Variants in DPP10 observed in about 807,000 individuals in gnomAD.
DPP10 encodes inactive dipeptidyl peptidase 10.
In DPP10, 33 loss-of-function variants were observed where a neutral mutation model predicts 120.9. That is an observed-to-expected ratio of 0.27 (90% confidence interval 0.21 to 0.37). The LOEUF is 0.37. DPP10 is among the 10% of genes least tolerant of loss of function. DPP10 has a pLI of 1.00. For missense variants in DPP10, 816 were observed against 942.8 expected (o/e 0.87, Z 1.76); for synonymous variants, 337 against 326.1 (o/e 1.03, Z -0.36).
chr2:114,869,752 A>G (rs1216940711), intron 1 of DPP10, among the ~76,000 whole-genome samples: 1 of 152,202 alleles, frequency 6.6e-6, no homozygotes, highest in Non-Finnish European at 1.5e-5. Flanking sequence ...AAGGGGAAGA[A>G]CAGAGCAGGT....
intron 2 of DPP10, among the ~76,000 whole-genome samples, chr2:115,309,782 G>A (rs905045545): frequency 1.3e-5 from 2 of 152,036 alleles, no homozygotes; most frequent in African/African-American, 2.4e-5. Context: ...GATCGAAAGA[G>A]AGTGATCTAA....
Position 115,802,918 on chromosome 2 carries a change from G to C in DPP10, c.1700+11562G>C, listed in dbSNP as rs191233338. On this transcript the variant is annotated intron_variant, in intron 19 of 25. Transcript: ENST00000410059. ...AGAATGTATATTCTGTTGATTTGGG[G>C]TGGAGAGTTCTGTAGATGTCTATTA... is the stretch of plus-strand genomic sequence containing the variant. 8.6e-4 allele frequency among the ~76,000 whole-genome samples: 131 copies of C among 152,276 alleles called. No homozygotes were observed. The East Asian group carries it at 0.018, about 21-fold the overall frequency.
At chr2:115,231,880 A>T (rs1209855225) in intron 1 of DPP10, among the ~76,000 whole-genome samples, 1 of 152,212 alleles carries the variant, frequency 6.6e-6, no homozygotes, top group East Asian at 1.9e-4. Context: ...TATGAGAGTC[A>T]TCTGGAGAAT....
chr2:115,620,188 C>G (rs2084841407), intron 5 of DPP10, among the ~76,000 whole-genome samples: 1 of 152,180 alleles, frequency 6.6e-6, no homozygotes, highest in Non-Finnish European at 1.5e-5. Context: ...TCTAATCACT[C>G]ACTGTGTGCT....
chr2:115,667,877 T>G (rs1347915580), intron 5 of DPP10, among the ~76,000 whole-genome samples: 2 of 152,024 alleles, frequency 1.3e-5, no homozygotes, highest in Admixed American at 1.3e-4. Context: ...TCCCATCTAA[T>G]CATGCATATG....
chr2:115,219,857 A>T (rs558534466), intron 1 of DPP10, among the ~76,000 whole-genome samples: 2 of 152,284 alleles, frequency 1.3e-5, no homozygotes, highest in South Asian at 4.1e-4. Context: ...CTTTTATGTT[A>T]GCCTAGGGAA....
chr2:115,367,138 A>G (rs1215863463), intron 3 of DPP10, among the ~76,000 whole-genome samples: 5 of 152,088 alleles, frequency 3.3e-5, no homozygotes, highest in African/African-American at 1.2e-4. Context: ...CAGACCGCCC[A>G]TAATTATCTG....
intron 1 of DPP10, among the ~76,000 whole-genome samples, chr2:114,773,146 G>A (rs319856): frequency 0.54 from 82,667 of 151,996 alleles, 22,731 homozygotes; most frequent in South Asian, 0.6. Context: ...TTTCTTTTAT[G>A]TGACATTACT....
intron 1 of DPP10, among the ~76,000 whole-genome samples, chr2:114,497,406 TACAC>T (rs1205453099): frequency 0.012 from 1,455 of 117,736 alleles, 73 homozygotes; most frequent in African/African-American, 0.039. Flanking sequence ...CATATACATA[TACAC>T]ATACATATGC....
intron 3 of DPP10, among the ~76,000 whole-genome samples, chr2:115,370,065 A>T (rs2065310832): frequency 6.6e-6 from 1 of 152,154 alleles, no homozygotes; most frequent in African/African-American, 2.4e-5. Context: ...TTCAACCAGA[A>T]CAGTCTCACT....
chr2:115,753,190 A>G lies in DPP10; in HGVS notation c.967A>G (p.Met323Val), dbSNP rs200681435. The change falls in exon 11 of 26, where the codon ATG becomes GTG. Residue 323 changes from methionine (M) to valine (V), a missense_variant. By Grantham distance (21) the Met-to-Val change is conservative. Around this residue, in one of 3 missense-constraint regions of DPP10, gnomAD observed 592 missense variants for 649.0 expected, o/e 0.91. Coordinates refer to ENST00000410059, the MANE Select transcript of DPP10 (RefSeq NM_020868.6). ...SFKSREYYIT[M>V]VKWVSNTKTV... The stretch of plus-strand genomic sequence containing the variant: ...CCAAACTAGAGAATACTATATCACT[A>G]TGGTTAAATGGGTAAGCAATACCAA... 5.6e-6 allele frequency: 9 copies of G among 1,611,074 alleles called. No homozygotes were observed. The Admixed American group carries it at 8.4e-5, about 15-fold the overall frequency.
At chr2:115,299,535 T>G (rs531638571) in intron 1 of DPP10, among the ~76,000 whole-genome samples, 12 of 152,188 alleles carry the variant, frequency 7.9e-5, no homozygotes, top group African/African-American at 2.9e-4. Context: ...CTAATTGTCC[T>G]TCTTTGCAGA....
intron 3 of DPP10, among the ~76,000 whole-genome samples, chr2:115,482,442 T>C (rs1182242156): frequency 6.6e-6 from 1 of 152,006 alleles, no homozygotes; most frequent in Non-Finnish European, 1.5e-5. Flanking sequence ...TTGTTTTTAG[T>C]ATATTCATAG....
chr2:114,841,769 T>C (rs900762256), intron 1 of DPP10, among the ~76,000 whole-genome samples: 1 of 152,136 alleles, frequency 6.6e-6, no homozygotes, highest in African/African-American at 2.4e-5. Context: ...AAAGCCATGA[T>C]TGGGAGCTAT....
intron 5 of DPP10, among the ~76,000 whole-genome samples, chr2:115,645,513 A>C (rs576249756): frequency 2.6e-5 from 4 of 152,276 alleles, no homozygotes; most frequent in African/African-American, 7.2e-5. Flanking sequence ...CCTTAGTCTG[A>C]ATCCTTCATT....
At chr2:115,168,365 G>T (rs1004434891) in intron 1 of DPP10, among the ~76,000 whole-genome samples, 21 of 152,180 alleles carry the variant, frequency 1.4e-4, no homozygotes, top group Admixed American at 1.3e-3. Flanking sequence ...TCCATCTGAA[G>T]ACTTGTGCAA....
At chr2:114,981,773 G>GT (rs1467138463) in intron 1 of DPP10, among the ~76,000 whole-genome samples, 21 of 138,932 alleles carry the variant, frequency 1.5e-4, no homozygotes, top group Non-Finnish European at 3.1e-4. Flanking sequence ...TTTGTTTTTT[G>GT]TTTTTGTTTT....
At chr2:115,201,543 C>T (rs2055721105) in intron 1 of DPP10, among the ~76,000 whole-genome samples, 1 of 152,172 alleles carries the variant, frequency 6.6e-6, no homozygotes, top group Non-Finnish European at 1.5e-5. Context: ...TTTCACATCA[C>T]TTCGCAGTCG....
chr2:115,334,348 G>T (rs1459716885), intron 2 of DPP10, among the ~76,000 whole-genome samples: 1 of 150,362 alleles, frequency 6.7e-6, no homozygotes. Context: ...AAGAGCAAAG[G>T]TGATTCCCTG....
Sources: gnomAD v4.1 joint callset for allele counts (sites outside exome capture counted in the v4.1 genomes callset) on GRCh38, gnomAD v4.1.1 for gene constraint, gnomAD v4.1.1 regional missense constraint, MANE v1.5 for transcripts, NCBI Gene and HGNC (gene_info 2026-07-23, HGNC 2026-07-21) for gene names.